Variants in NRXN3 observed in about 807,000 individuals in gnomAD.
The protein encoded by NRXN3 is neurexin 3.
A neutral mutation model predicts 137.6 loss-of-function variants in NRXN3; 32 were observed. That is an observed-to-expected ratio of 0.23 (90% CI 0.18 to 0.31). The LOEUF (loss-of-function observed/expected upper bound fraction) is 0.31. NRXN3 is among the 10% of genes least tolerant of loss of function. The probability of loss-of-function intolerance (pLI) is 1.00; values close to 1 mark genes in which losing one functional copy is unlikely to be tolerated. For synonymous variants in NRXN3, 798 were observed against 784.5 expected (o/e 1.02, Z -0.29); for missense variants, 1,574 against 2,062.5 (o/e 0.76, Z 4.59).
intron 16 of NRXN3, among the ~76,000 whole-genome samples, chr14:79,622,593 A>C (rs1224909552): frequency 6.6e-6 from 1 of 151,918 alleles, no homozygotes; most frequent in Non-Finnish European, 1.5e-5. Context: ...TATTTAGTTT[A>C]TTTTTATTTA....
At chr14:78,920,006 T>C (rs1207584585) in intron 10 of NRXN3, among the ~76,000 whole-genome samples, 1 of 152,202 alleles carries the variant, frequency 6.6e-6, no homozygotes, top group Non-Finnish European at 1.5e-5. Flanking sequence ...ACTAAAAAGA[T>C]GAAATAAAGA....
At chr14:79,556,549 C>T (rs2097431482) in intron 16 of NRXN3, among the ~76,000 whole-genome samples, 1 of 151,918 alleles carries the variant, frequency 6.6e-6, no homozygotes, top group African/African-American at 2.4e-5. Flanking sequence ...TTTTTGTTTG[C>T]CTGTTTGTTC....
chr14:79,350,547 G>T (rs1403654838), intron 15 of NRXN3, among the ~76,000 whole-genome samples: 2 of 152,162 alleles, frequency 1.3e-5, no homozygotes, highest in Non-Finnish European at 2.9e-5. Flanking sequence ...GCATCCCTCT[G>T]TTCGGGAGTG....
At chr14:78,352,504 C>T (rs1292543774) in intron 4 of NRXN3, among the ~76,000 whole-genome samples, 2 of 152,100 alleles carry the variant, frequency 1.3e-5, no homozygotes, top group African/African-American at 4.8e-5. Context: ...TGAGTCTGAG[C>T]CCACCATGAC....
intron 15 of NRXN3, among the ~76,000 whole-genome samples, chr14:79,086,200 C>G (rs2048060414): frequency 6.6e-6 from 1 of 152,100 alleles, no homozygotes; most frequent in Non-Finnish European, 1.5e-5. Flanking sequence ...GGATGAAATT[C>G]TACAGGTCAT....
chr14:79,183,115 G>T (rs1313585520), intron 15 of NRXN3, among the ~76,000 whole-genome samples: 1 of 152,102 alleles, frequency 6.6e-6, no homozygotes, highest in African/African-American at 2.4e-5. Flanking sequence ...TTTTGCTCTT[G>T]ATCTACTTTT....
chr14:78,909,355 T>C (rs963022122), intron 10 of NRXN3, among the ~76,000 whole-genome samples: 1 of 152,138 alleles, frequency 6.6e-6, no homozygotes, highest in African/African-American at 2.4e-5. Context: ...TTTGGGCTGC[T>C]CAAGGCATTT....
intron 15 of NRXN3, among the ~76,000 whole-genome samples, chr14:79,192,558 G>A (rs2064512627): frequency 6.6e-6 from 1 of 151,976 alleles, no homozygotes. Context: ...CCAGCACAGT[G>A]AAAAAACATT....
intron 6 of NRXN3, among the ~76,000 whole-genome samples, chr14:78,656,825 C>G (rs997851619): frequency 1.3e-5 from 2 of 152,038 alleles, no homozygotes; most frequent in African/African-American, 4.8e-5. Context: ...GGGCGGATCA[C>G]GAGGTCGGGA....
intron 15 of NRXN3, among the ~76,000 whole-genome samples, chr14:79,247,612 T>C (rs2075364561): frequency 6.6e-6 from 1 of 152,138 alleles, no homozygotes; most frequent in African/African-American, 2.4e-5. Flanking sequence ...CTTATACCTT[T>C]CCCAATCTTA....
intron 15 of NRXN3, among the ~76,000 whole-genome samples, chr14:79,218,150 T>C (rs1365608141): frequency 6.6e-6 from 1 of 152,202 alleles, no homozygotes; most frequent in Non-Finnish European, 1.5e-5. Context: ...TTGTATTTTG[T>C]TTCAACTAGA....
Position 78,598,849 on chromosome 14 carries a change from G to A in NRXN3, c.758-46271G>A, listed in dbSNP as rs17107898. 8.2e-3 allele frequency among the ~76,000 whole-genome samples: 1,246 copies of A among 152,272 alleles called. 68 individuals carry two copies. The East Asian group carries it at 0.16, about 20-fold the overall frequency. On this transcript the variant is annotated intron_variant, in intron 4 of 20. Coordinates refer to ENST00000335750, the MANE Select transcript of NRXN3 (RefSeq NM_001330195.2). ...TTATTGTGGTGTAGTCTTTAAGTGA[G>A]TTCTCAGATAAACTGGAAGGTGGGT...
intron 15 of NRXN3, among the ~76,000 whole-genome samples, chr14:79,299,616 T>G (rs2084797303): frequency 6.6e-6 from 1 of 152,136 alleles, no homozygotes; most frequent in South Asian, 2.1e-4. Context: ...ACAGTTGTTG[T>G]GATTAAACAT....
At chr14:78,927,920 C>G (rs773283282) in intron 10 of NRXN3, among the ~76,000 whole-genome samples, 11 of 152,118 alleles carry the variant, frequency 7.2e-5, no homozygotes, top group Non-Finnish European at 1.0e-4. Context: ...GCCTGAGTCT[C>G]TATATCTGAG....
chr14:78,743,654 T>C (rs1371694802), intron 8 of NRXN3, among the ~76,000 whole-genome samples: 1 of 152,142 alleles, frequency 6.6e-6, no homozygotes, highest in Non-Finnish European at 1.5e-5. Context: ...TAGCTGAACA[T>C]AGTTTCTTAA....
chr14:79,273,813 C>T (rs1007657919), intron 15 of NRXN3, among the ~76,000 whole-genome samples: 3 of 150,952 alleles, frequency 2.0e-5, no homozygotes, highest in African/African-American at 4.9e-5. Flanking sequence ...AAGCTAAGAT[C>T]GAGCCGGGCA....
chr14:78,373,972 T>C (rs983786102), intron 4 of NRXN3, among the ~76,000 whole-genome samples: 5 of 152,184 alleles, frequency 3.3e-5, no homozygotes, highest in Admixed American at 2.0e-4. Flanking sequence ...TTTAATTCAG[T>C]GTTAAGTGAG....
intron 20 of NRXN3, among the ~76,000 whole-genome samples, chr14:79,809,744 G>C (rs1053553414): frequency 6.6e-6 from 1 of 152,226 alleles, no homozygotes; most frequent in East Asian, 1.9e-4. Flanking sequence ...TTCGTTCTTT[G>C]CATATAAACT....
chr14:78,404,904 TCTCTCTGC>T (rs2153658417), intron 4 of NRXN3, among the ~76,000 whole-genome samples: 1 of 152,302 alleles, frequency 6.6e-6, no homozygotes, highest in Non-Finnish European at 1.5e-5. Context: ...AAACACAGGG[TCTCTCTGC>T]CTGCCTATCG....
Sources: allele counts gnomAD v4.1 joint callset (sites outside exome capture counted in the v4.1 genomes callset), GRCh38; gene constraint gnomAD v4.1.1; transcripts MANE v1.5; gene names NCBI Gene and HGNC (gene_info 2026-07-23, HGNC 2026-07-21).